The following MLLT3 variants were observed in gnomAD, a reference collection of about 807,000 sequenced individuals.
MLLT3 encodes protein AF-9.
In MLLT3, 4 loss-of-function variants were observed where a neutral mutation model predicts 53.2. The observed-to-expected ratio is 0.08, with a 90% confidence interval of 0.04 to 0.17. The LOEUF (loss-of-function observed/expected upper bound fraction) is 0.17. Among genes scored for constraint, MLLT3 ranks in the 10% least tolerant of loss-of-function variants. The probability of loss-of-function intolerance (pLI) is 1.00; values close to 1 mark genes in which losing one functional copy is unlikely to be tolerated. For missense variants in MLLT3, 569 were observed against 684.0 expected (o/e 0.83, Z 1.87); for synonymous variants, 283 against 230.6 (o/e 1.23, Z -2.06).
intron 2 of MLLT3, among the ~76,000 whole-genome samples, chr9:20,536,639 C>A (rs1158212257): frequency 5.3e-5 from 8 of 152,302 alleles, no homozygotes; most frequent in Admixed American, 3.3e-4. Context: ...AGGCATAATA[C>A]TGTAATCAAA....
At chr9:20,355,757 T>C (rs1821157190) in intron 8 of MLLT3, among the ~76,000 whole-genome samples, 1 of 152,226 alleles carries the variant, frequency 6.6e-6, no homozygotes, top group Admixed American at 6.5e-5. Flanking sequence ...TAACTCATTA[T>C]GAAGTGAGTT....
chr9:20,352,330 G>C (rs970122041), intron 10 of MLLT3, among the ~76,000 whole-genome samples: 1 of 152,328 alleles, frequency 6.6e-6, no homozygotes, highest in Non-Finnish European at 1.5e-5. Context: ...TGTTTGGGAA[G>C]AGACGAGAAA....
chr9:20,349,857 G>A (rs930724337), intron 10 of MLLT3, among the ~76,000 whole-genome samples: 1 of 152,156 alleles, frequency 6.6e-6, no homozygotes, highest in Admixed American at 6.5e-5. Context: ...AACTAAATGA[G>A]CCCCACGTTT....
At chr9:20,467,410 T>A (rs1824263723) in intron 2 of MLLT3, among the ~76,000 whole-genome samples, 1 of 152,128 alleles carries the variant, frequency 6.6e-6, no homozygotes, top group Non-Finnish European at 1.5e-5. Flanking sequence ...AAACCCCGTC[T>A]CTACTAAAAA....
intron 4 of MLLT3, among the ~76,000 whole-genome samples, chr9:20,420,918 A>G (rs913019921): frequency 6.6e-6 from 1 of 152,270 alleles, no homozygotes; most frequent in South Asian, 2.1e-4. Flanking sequence ...GCTTTAAAAC[A>G]CCCCTTTTAA....
intron 2 of MLLT3, among the ~76,000 whole-genome samples, chr9:20,529,174 T>G (rs1433008521): frequency 1.3e-5 from 2 of 152,178 alleles, no homozygotes; most frequent in Admixed American, 1.3e-4. Flanking sequence ...CTAGGTTTGG[T>G]TGGATTTTTT....
chr9:20,576,612 T>A (rs1050787860), intron 2 of MLLT3, among the ~76,000 whole-genome samples: 2 of 152,062 alleles, frequency 1.3e-5, no homozygotes, highest in African/African-American at 4.8e-5. Flanking sequence ...ACACAGCATA[T>A]ATCTAGTTCG....
At chr9:20,351,917 C>T (rs914062480) in intron 10 of MLLT3, among the ~76,000 whole-genome samples, 11 of 152,156 alleles carry the variant, frequency 7.2e-5, no homozygotes, top group African/African-American at 2.2e-4. Flanking sequence ...GGCAAAAGGC[C>T]AAAGACTGAG....
At chr9:20,622,128 G>A in intron 1 of MLLT3, 117 bp downstream of exon 1, 3 of 1,222,146 alleles carry the variant, frequency 2.5e-6, no homozygotes, top group Non-Finnish European at 3.4e-6. Context: ...CCTGCAAGCC[G>A]TACCAACCTT....
Position 20,607,286 on chromosome 9 carries a change from T to A in MLLT3, c.193+13368A>T, listed in dbSNP as rs568259506. ...TTATTTTATTTTTGCAGTTAAGACATCTATATAAATTAACTTACTAATAAA... is the reference window on the plus strand; with the variant it reads ...TTATTTTATTTTTGCAGTTAAGACAACTATATAAATTAACTTACTAATAAA... On this transcript the variant is annotated intron_variant, in intron 2 of 10. Coordinates refer to ENST00000380338, the MANE Select transcript of MLLT3 (RefSeq NM_004529.4). Among the ~76,000 whole-genome samples the A allele has an allele frequency of 5.3e-5, 8 of 152,246 alleles. No homozygotes were observed. In the East Asian group the frequency reaches 1.3e-3, roughly 26 times the overall value.
chr9:20,532,356 G>A (rs1203468295), intron 2 of MLLT3, among the ~76,000 whole-genome samples: 1 of 151,856 alleles, frequency 6.6e-6, no homozygotes, highest in Non-Finnish European at 1.5e-5. Context: ...TCACCCAAGA[G>A]TAACAACTGT....
At chr9:20,476,656 A>T (rs997280652) in intron 2 of MLLT3, among the ~76,000 whole-genome samples, 1 of 152,172 alleles carries the variant, frequency 6.6e-6, no homozygotes, top group African/African-American at 2.4e-5. Flanking sequence ...ATTCCTTGGA[A>T]ATGCCAATGA....
chr9:20,370,135 A>G (rs1251812715), intron 5 of MLLT3, among the ~76,000 whole-genome samples: 2 of 152,246 alleles, frequency 1.3e-5, no homozygotes, highest in African/African-American at 2.4e-5. Flanking sequence ...CTACAGTGAT[A>G]AAAGTATAGA....
intron 2 of MLLT3, among the ~76,000 whole-genome samples, chr9:20,466,896 T>A (rs1317190121): frequency 2.6e-5 from 4 of 152,108 alleles, no homozygotes; most frequent in Admixed American, 2.6e-4. Flanking sequence ...GGGCTTAATA[T>A]TAGTTTGTTT....
At chr9:20,594,531 G>C (rs575589427) in intron 2 of MLLT3, among the ~76,000 whole-genome samples, 4 of 152,270 alleles carry the variant, frequency 2.6e-5, no homozygotes, top group Admixed American at 1.3e-4. Flanking sequence ...ATGTTGAATA[G>C]GGGCTGGGTA....
intron 4 of MLLT3, among the ~76,000 whole-genome samples, chr9:20,423,439 T>TA (rs886407962): frequency 2.0e-5 from 3 of 152,200 alleles, no homozygotes; most frequent in Admixed American, 2.0e-4. Context: ...GGCAGGTGAT[T>TA]AAAAAATGCA....
chr9:20,550,348 C>T (rs906509981), intron 2 of MLLT3, among the ~76,000 whole-genome samples: 3 of 152,210 alleles, frequency 2.0e-5, no homozygotes, highest in African/African-American at 7.2e-5. Context: ...TGGCTTTCCA[C>T]CCTATTGTTC....
rs778693820 is a variant in MLLT3, at chr9:20,610,788, C to A, written c.193+9866G>T. ...ACATAACACGTGCTGCTTTGGTGCT[C>A]CATAAAATGAGGGAAGTTAGCTTCC... is the stretch of plus-strand genomic sequence containing the variant. On this transcript the variant is annotated intron_variant, in intron 2 of 10. Transcript: ENST00000380338. Among the ~76,000 whole-genome samples, 4 of 152,158 alleles carry A rather than the reference C, an allele frequency of 2.6e-5. No individual in the cohort carries two copies. In the South Asian group the frequency reaches 8.3e-4, roughly 32 times the overall value.
intron 2 of MLLT3, among the ~76,000 whole-genome samples, chr9:20,592,648 TA>T: frequency 6.6e-6 from 1 of 152,318 alleles, no homozygotes; most frequent in South Asian, 2.1e-4. Flanking sequence ...ATTTGGCACA[TA>T]ACATTATAAC....
Sources: gnomAD v4.1 joint callset for allele counts (sites outside exome capture counted in the v4.1 genomes callset) on GRCh38, gnomAD v4.1.1 for gene constraint, MANE v1.5 for transcripts, NCBI Gene and HGNC (gene_info 2026-07-23, HGNC 2026-07-21) for gene names.